Variants in PRDM16 observed in about 807,000 individuals in gnomAD.
The protein encoded by PRDM16 is PR/SET domain 16.
In PRDM16, 23 loss-of-function variants were observed where a neutral mutation model predicts 110.6. The observed-to-expected ratio is 0.21, with a 90% CI of 0.15 to 0.29. PRDM16 has a LOEUF of 0.29. PRDM16 is among the 10% of genes least tolerant of loss of function. The pLI, the probability that PRDM16 is intolerant of heterozygous loss-of-function variation, is 1.00. For missense variants in PRDM16, 1,615 were observed against 1,794.3 expected (o/e 0.90, Z 1.81); for synonymous variants, 799 against 781.8 (o/e 1.02, Z -0.37).
intron 3 of PRDM16, among the ~76,000 whole-genome samples, chr1:3,283,890 A>G (rs558701872): frequency 6.6e-6 from 1 of 152,356 alleles, no homozygotes; most frequent in South Asian, 2.1e-4. Flanking sequence ...GATCTGCAGG[A>G]GCCCAGGTGC....
intron 1 of PRDM16, among the ~76,000 whole-genome samples, chr1:3,179,662 G>T: frequency 6.6e-6 from 1 of 152,244 alleles, no homozygotes. Context: ...TGGCACCGTG[G>T]TGCAGATTGA....
chr1:3,087,889 C>T (rs1297001729), intron 1 of PRDM16, among the ~76,000 whole-genome samples: 1 of 152,032 alleles, frequency 6.6e-6, no homozygotes, highest in East Asian at 1.9e-4. Flanking sequence ...GCTCTGGGGT[C>T]TGGCCTCCTG....
chr1:3,137,994 G>A (rs780231811), intron 1 of PRDM16, among the ~76,000 whole-genome samples: 8 of 152,356 alleles, frequency 5.3e-5, no homozygotes, highest in South Asian at 2.1e-4. Context: ...CAAGGGGCTC[G>A]GAGGGGCCTG....
At chr1:3,234,367 T>G (rs999695163) in intron 2 of PRDM16, among the ~76,000 whole-genome samples, 1 of 151,952 alleles carries the variant, frequency 6.6e-6, no homozygotes, top group African/African-American at 2.4e-5. Flanking sequence ...AAAGGAGCTG[T>G]CCCCGCCCCA....
At chr1:3,077,223 G>A (rs761991146) in intron 1 of PRDM16, among the ~76,000 whole-genome samples, 4 of 152,168 alleles carry the variant, frequency 2.6e-5, no homozygotes, top group Non-Finnish European at 2.9e-5. Context: ...GAGGTCTCCC[G>A]TGGGCCCGGG....
intron 2 of PRDM16, among the ~76,000 whole-genome samples, chr1:3,210,753 T>C (rs1162436663): frequency 6.6e-6 from 1 of 152,258 alleles, no homozygotes; most frequent in East Asian, 1.9e-4. Context: ...ACTTATGAGA[T>C]GTTTATTTCT....
chr1:3,371,539 C>T (rs1174458881), intron 3 of PRDM16, among the ~76,000 whole-genome samples: 1 of 150,350 alleles, frequency 6.7e-6, no homozygotes, highest in Non-Finnish European at 1.5e-5. Context: ...ATCCATCCAT[C>T]CACCCACCCA....
intron 1 of PRDM16, among the ~76,000 whole-genome samples, chr1:3,137,556 G>A (rs911376626): frequency 2.0e-5 from 3 of 152,186 alleles, no homozygotes; most frequent in African/African-American, 7.2e-5. Context: ...GCAAGGTCCC[G>A]AAGAACCGTC....
At chr1:3,224,646 C>T (rs1639245541) in intron 2 of PRDM16, among the ~76,000 whole-genome samples, 1 of 152,224 alleles carries the variant, frequency 6.6e-6, no homozygotes, top group South Asian at 2.1e-4. Context: ...ACTGTGTTCC[C>T]CTCTGGCCAC....
chr1:3,187,474 G>A (rs2100800465), intron 2 of PRDM16, among the ~76,000 whole-genome samples: 1 of 152,284 alleles, frequency 6.6e-6, no homozygotes, highest in South Asian at 2.1e-4. Context: ...CTCTCCTGGT[G>A]GCTCGTGGCT....
At chr1:3,277,537 C>T (rs1272303134) in intron 3 of PRDM16, among the ~76,000 whole-genome samples, 2 of 152,246 alleles carry the variant, frequency 1.3e-5, no homozygotes, top group Admixed American at 6.5e-5. Flanking sequence ...CCGACCCTCT[C>T]CTTTTCTGGG....
At chr1:3,320,312 AGAT>A (rs1322951588) in intron 3 of PRDM16, among the ~76,000 whole-genome samples, 1 of 152,206 alleles carries the variant, frequency 6.6e-6, no homozygotes, top group Non-Finnish European at 1.5e-5. Context: ...ACTCAAGAGT[AGAT>A]GTGTGTGTGT....
rs892852648 is a variant in PRDM16 at position 3,382,260 on chromosome 1, G to A, written c.439-2892G>A. On this transcript the variant is annotated intron_variant, in intron 3 of 16. Transcript: ENST00000270722. This position sits in a 1 kb window ranked among gnomAD's most constrained non-coding sequence, Gnocchi z 6.6. ...TGTGGCCTCCTCCCTCCCATGCCAC[G>A]CCCCTGCCACCCCTGTCCTGGCAAG... Among the ~76,000 whole-genome samples, 2 of 152,152 alleles carry A rather than the reference G, an allele frequency of 1.3e-5. No individual in the cohort carries two copies. The highest frequency in any genetic ancestry group is 2.9e-5 in the Non-Finnish European group (2 of 68,024).
chr1:3,343,962 A>G (rs1642317861), intron 3 of PRDM16, among the ~76,000 whole-genome samples: 1 of 152,064 alleles, frequency 6.6e-6, no homozygotes, highest in Non-Finnish European at 1.5e-5. Flanking sequence ...TATTTTTTCT[A>G]TTATTTAGAT....
In PRDM16 at chr1:3,359,963, C is replaced by T. The variant is rs1642683094; in HGVS notation, c.439-25189C>T. Among the ~76,000 whole-genome samples the T allele has an allele frequency of 6.6e-6, 1 of 152,242 alleles. No individual in the cohort carries two copies. The highest frequency in any genetic ancestry group is 2.4e-5 in the African/African-American group (1 of 41,474). On this transcript the variant is annotated intron_variant, in intron 3 of 16. Transcript: ENST00000270722. This position sits in a 1 kb window ranked among gnomAD's most constrained non-coding sequence, Gnocchi z 4.3. ...AAGGCCGCCCGGCTCAGAACAGGTCCCTTCAGCCGGCTCAGCAGCCAGTGA... is the reference window on the plus strand; with the variant it reads ...AAGGCCGCCCGGCTCAGAACAGGTCTCTTCAGCCGGCTCAGCAGCCAGTGA...
Position 3,124,133 on chromosome 1 carries a change from C to T in PRDM16, c.37+54837C>T, listed in dbSNP as rs558517576. 2.6e-4 allele frequency among the ~76,000 whole-genome samples: 39 copies of T among 152,254 alleles called. 1 individual carries two copies. The highest frequency in any genetic ancestry group is 7.0e-4 in the African/African-American group (29 of 41,542). Reference sequence around the variant, plus strand: ...ACCCGGGTGCTTAGGAGGGCAGGGCCGGTGGAGGTGGACAGGGCCGTGGAG... The same window carrying T: ...ACCCGGGTGCTTAGGAGGGCAGGGCTGGTGGAGGTGGACAGGGCCGTGGAG... On this transcript the variant is annotated intron_variant, in intron 1 of 16. Transcript: ENST00000270722.
intron 1 of PRDM16, among the ~76,000 whole-genome samples, chr1:3,179,081 G>A (rs547423145): frequency 6.6e-6 from 1 of 152,358 alleles, no homozygotes; most frequent in Non-Finnish European, 1.5e-5. Context: ...GGGCCTTGGA[G>A]GAACTCAGAC....
chr1:3,352,957 C>T (rs1402010417), intron 3 of PRDM16, among the ~76,000 whole-genome samples: 1 of 152,238 alleles, frequency 6.6e-6, no homozygotes, highest in Non-Finnish European at 1.5e-5. Context: ...AGTGCCCACC[C>T]TGCAGGCTTC....
intron 3 of PRDM16, among the ~76,000 whole-genome samples, chr1:3,276,124 G>A (rs539570694): frequency 7.9e-5 from 12 of 152,246 alleles, no homozygotes; most frequent in African/African-American, 1.7e-4. Flanking sequence ...GGCTTCAAGG[G>A]GGGAGAAACC....
Sources: allele counts gnomAD v4.1 joint callset (sites outside exome capture counted in the v4.1 genomes callset), GRCh38; gene constraint gnomAD v4.1.1; non-coding constraint Gnocchi (gnomAD v3.1); transcripts MANE v1.5; gene names NCBI Gene and HGNC (gene_info 2026-07-23, HGNC 2026-07-21).